RNF145: variants seen among roughly 807,000 people sequenced by gnomAD.
RNF145 encodes the protein ring finger protein 145.
Under a neutral mutation model 57.3 loss-of-function variants are expected in RNF145, and 12 were observed. That is an observed-to-expected ratio of 0.21 (90% confidence interval 0.13 to 0.34). RNF145 has a LOEUF of 0.34. Among genes scored for constraint, RNF145 ranks in the 10% least tolerant of loss-of-function variants. RNF145 has a pLI of 1.00. For missense variants in RNF145, 429 were observed against 799.0 expected, an observed-to-expected ratio of 0.54 and a Z score of 5.58; for synonymous variants, 262 against 288.3, an observed-to-expected ratio of 0.91 and a Z score of 0.92.
chr5:159,161,724 A>G (rs754715187), intron 9 of RNF145, 102 bp from the exon 10 acceptor site: 6 of 692,092 alleles, frequency 8.7e-6, no homozygotes, highest in Admixed American at 5.8e-5. Context: ...TTTAGGGTGC[A>G]ATATTTCAAA....
rs369980680 is a variant in RNF145, at chr5:159,158,645, A to C, written c.*25T>G. 6.2e-7 allele frequency: 1 copy of C among 1,602,152 alleles called. No individual in the cohort carries two copies. The highest frequency in any genetic ancestry group is 8.5e-7 in the Non-Finnish European group (1 of 1,172,446). ...AGTTAACTTCTCCTCCAGAGTATCA[A>C]AGCATCATTCCTGCTGCTTCTCCTC... On this transcript the variant is annotated 3_prime_UTR_variant, in exon 11 of 11. Coordinates refer to ENST00000424310, the MANE Select transcript of RNF145 (RefSeq NM_001199383.2).
chr5:159,182,257 T>G (rs1784918146), intron 3 of RNF145, among the ~76,000 whole-genome samples: 1 of 152,128 alleles, frequency 6.6e-6, no homozygotes, highest in Non-Finnish European at 1.5e-5. Flanking sequence ...AATTTTACCA[T>G]ACAGAGAAAG....
In RNF145 at chr5:159,165,479, G is replaced by A. The variant is rs1201840300; in HGVS notation, c.1122-2400C>T. Among the ~76,000 whole-genome samples, 2 of 11,412 alleles carry A rather than the reference G, an allele frequency of 1.8e-4. 1 individual carries two copies. Among genetic ancestry groups the A allele is most frequent in the Non-Finnish European group, 2.9e-4 (2 of 7,016 alleles). The allele number at this position is 11,412 out of a possible 152,430, so 7.5% of individuals were successfully genotyped here. A position where few individuals can be genotyped will look rare whatever the true frequency, so the allele number is the denominator to read the frequency against. The stretch of plus-strand genomic sequence containing the variant: ...GGGCGGATCACGAGGTCAGGAGATC[G>A]AGACCATCCCGGCTAAAACGGTGAA... On this transcript the variant is annotated intron_variant, in intron 8 of 10. Transcript: ENST00000424310.
At chr5:159,207,131 A>G (rs1037222124) in intron 1 of RNF145, among the ~76,000 whole-genome samples, 1 of 152,180 alleles carries the variant, frequency 6.6e-6, no homozygotes, top group African/African-American at 2.4e-5. Flanking sequence ...ACAGTTTACC[A>G]TTCAAATTTG....
chr5:159,170,078 A>G (rs1784497992), intron 6 of RNF145, among the ~76,000 whole-genome samples: 1 of 152,264 alleles, frequency 6.6e-6, no homozygotes, highest in Non-Finnish European at 1.5e-5. Context: ...CAAATACAGT[A>G]AAATTCAAAG....
At position 159,161,625 on chromosome 5, in the gene RNF145, G is replaced by GAAA; in HGVS notation, c.1270-6_1270-4dup. 2.3e-6 allele frequency: 3 copies of GAAA among 1,310,998 alleles called. No individual in the cohort carries two copies. The highest frequency in any genetic ancestry group is 2.7e-5 in the South Asian group (2 of 74,058). The allele number at this position is 1,310,998 out of a possible 1,614,324, so 81.2% of individuals were successfully genotyped here. ...TAAATAAAAAGTGTTCCCAGAACCT[G>GAAA]AAAAAAAAAAAAAAATGTACGTATC... On this transcript the variant is annotated splice_polypyrimidine_tract_variant and splice_region_variant and intron_variant, in intron 9 of 10. Transcript: ENST00000424310.
At chr5:159,207,509 A>G in intron 1 of RNF145, 1 of 1,525,388 alleles carries the variant, frequency 6.6e-7, no homozygotes, top group Non-Finnish European at 8.7e-7. Context: ...CCAGTTAAAA[A>G]AAAAAATTCT....
chr5:159,169,922 A>T, intron 6 of RNF145, 103 bp from the exon 7 acceptor site: 1 of 957,428 alleles, frequency 1.0e-6, no homozygotes, highest in Non-Finnish European at 1.5e-6. Flanking sequence ...ATACTCATTA[A>T]TTAAAACATC....
intron 3 of RNF145, among the ~76,000 whole-genome samples, chr5:159,192,171 A>G (rs1027175888): frequency 6.6e-6 from 1 of 152,250 alleles, no homozygotes; most frequent in Non-Finnish European, 1.5e-5. Flanking sequence ...TATTATAATA[A>G]TCCAGAGATG....
At chr5:159,166,291 G>A (rs1474792432) in intron 8 of RNF145, among the ~76,000 whole-genome samples, 2 of 152,128 alleles carry the variant, frequency 1.3e-5, no homozygotes, top group African/African-American at 4.8e-5. Context: ...TTGATCAGGA[G>A]TGCATACTAG....
Position 159,187,372 on chromosome 5 carries a change from G to C in RNF145, c.294-5321C>G, listed in dbSNP as rs181321167. 2.0e-5 allele frequency among the ~76,000 whole-genome samples: 3 copies of C among 151,794 alleles called. No individual in the cohort carries two copies. The East Asian group carries it at 5.8e-4, about 30-fold the overall frequency. On this transcript the variant is annotated intron_variant, in intron 3 of 10. Transcript: ENST00000424310. ...TGAGATAGTCTCACACTGTTGCCTG[G>C]GCTGGAGTGGAATGGCACGATCTCA...
chr5:159,181,216 C>T (rs1228097334), intron 4 of RNF145, among the ~76,000 whole-genome samples: 1 of 151,590 alleles, frequency 6.6e-6, no homozygotes, highest in Non-Finnish European at 1.5e-5. Context: ...GAGTCAGACA[C>T]CAGTCCACAG....
chr5:159,207,687 A>T (rs1785943020), intron 1 of RNF145: 8 of 1,613,232 alleles, frequency 5.0e-6, no homozygotes, highest in South Asian at 3.3e-5. Context: ...TACATAAGCA[A>T]TGGCACATGT....
intron 2 of RNF145, among the ~76,000 whole-genome samples, chr5:159,202,458 C>T (rs1444988667): frequency 1.3e-5 from 2 of 152,094 alleles, no homozygotes; most frequent in African/African-American, 2.4e-5. Context: ...TGAACCGAAA[C>T]GTTTTGTTTC....
intron 4 of RNF145, among the ~76,000 whole-genome samples, chr5:159,178,509 T>C (rs563340664): frequency 1.3e-5 from 2 of 152,196 alleles, no homozygotes; most frequent in East Asian, 1.9e-4. Context: ...CTGAATGTTA[T>C]TTTCCAGATT....
At chr5:159,174,679 T>C (rs1318336645) in intron 5 of RNF145, among the ~76,000 whole-genome samples, 1 of 152,196 alleles carries the variant, frequency 6.6e-6, no homozygotes, top group Admixed American at 6.5e-5. Context: ...CAAGTCTTTT[T>C]CTCCCATACA....
intron 1 of RNF145, chr5:159,207,889 T>C: frequency 6.2e-7 from 1 of 1,613,604 alleles, no homozygotes; most frequent in Non-Finnish European, 8.5e-7. Context: ...AACTGCTACC[T>C]CTGCCATCGG....
chr5:159,187,466 T>A (rs1229689203), intron 3 of RNF145, among the ~76,000 whole-genome samples: 1 of 151,830 alleles, frequency 6.6e-6, no homozygotes, highest in Non-Finnish European at 1.5e-5. Flanking sequence ...TAGCTTAGAT[T>A]ATAGGTGCCT....
At chr5:159,179,083 GT>G (rs201517309) in intron 4 of RNF145, among the ~76,000 whole-genome samples, 1 of 152,072 alleles carries the variant, frequency 6.6e-6, no homozygotes, top group East Asian at 1.9e-4. Context: ...AAATGTCCTT[GT>G]TGAGCACAAT....
Sources: allele counts gnomAD v4.1 joint callset (sites outside exome capture counted in the v4.1 genomes callset), GRCh38; gene constraint gnomAD v4.1.1; transcripts MANE v1.5; gene names NCBI Gene and HGNC (gene_info 2026-07-23, HGNC 2026-07-21).